Variants in CD44 observed in about 807,000 individuals in gnomAD.
CD44 encodes the protein CD44 antigen.
Under a neutral mutation model 88.8 loss-of-function variants are expected in CD44, and 49 were observed. That is an observed-to-expected ratio of 0.55 (90% CI 0.44 to 0.70). CD44 has a LOEUF of 0.70. Ranked by LOEUF, CD44 falls within the 30% of genes least tolerant of loss-of-function variation. The probability of loss-of-function intolerance (pLI) is 0.00; values close to 1 mark genes in which losing one functional copy is unlikely to be tolerated. For missense variants in CD44, 883 were observed against 913.8 expected (o/e 0.97, Z 0.43); for synonymous variants, 325 against 312.3 (o/e 1.04, Z -0.43).
intron 17 of CD44, among the ~76,000 whole-genome samples, chr11:35,225,126 A>AATCACTTGAACTATGGCTAGTTC (rs368894432): frequency 6.6e-6 from 1 of 150,828 alleles, no homozygotes; most frequent in Non-Finnish European, 1.5e-5. Context: ...TGGCTAGTTC[A>AATCACTTGAACTATGGCTAGTTC]ACTGAGGAAG....
intron 4 of CD44, 40 bp from the exon 5 acceptor site, chr11:35,189,795 T>C (rs770679783): frequency 1.4e-5 from 19 of 1,333,950 alleles, no homozygotes; most frequent in Non-Finnish European, 1.9e-5. Flanking sequence ...ACTCAAAATA[T>C]GAGCTGTGAA....
At chr11:35,185,958 A>G (rs570594396) in intron 3 of CD44, among the ~76,000 whole-genome samples, 42 of 152,310 alleles carry the variant, frequency 2.8e-4, no homozygotes, top group African/African-American at 9.9e-4. Context: ...GGCTACCAGT[A>G]ACATCTGTGG....
At position 35,159,720 on chromosome 11, in the gene CD44, T is replaced by G. The variant is rs539091936; in HGVS notation, c.68-16855T>G. 6.4e-4 allele frequency among the ~76,000 whole-genome samples: 97 copies of G among 152,328 alleles called. 1 individual carries two copies. Among genetic ancestry groups the G allele is most frequent in the Middle Eastern group, 3.4e-3 (1 of 294 alleles). ...ATGGCTGAATTTCATCAGAGCCAGT[T>G]TACAGGCAGAGAAACTGAGGCTCAT... On this transcript the variant is annotated intron_variant, in intron 1 of 17. Coordinates refer to ENST00000428726, the MANE Select transcript of CD44 (RefSeq NM_000610.4).
chr11:35,219,360 G>C lies in CD44; in HGVS notation c.1918G>C (p.Gly640Arg), dbSNP rs1949104361. ...AGAAGGTGGAGCAAACACAACCTCT[G>C]GTCCTATAAGGACACCCCAAATTCC... ...SQEGGANTTS[G>R]PIRTPQIPEW... is the part of the protein sequence containing the mutation. The change falls in exon 16 of 18, where the codon GGT becomes CGT. Residue 640 changes from glycine to arginine, a missense_variant. Around this residue, in one of 2 missense-constraint regions of CD44, gnomAD observed 631 missense variants for 590.9 expected, o/e 1.07. Transcript: ENST00000428726. 1 of 1,613,696 alleles carries C rather than the reference G, an allele frequency of 6.2e-7. No homozygotes were observed. Among genetic ancestry groups the C allele is most frequent in the South Asian group, 1.1e-5 (1 of 91,078 alleles).
At chr11:35,162,240 G>A (rs1271711517) in intron 1 of CD44, among the ~76,000 whole-genome samples, 1 of 152,108 alleles carries the variant, frequency 6.6e-6, no homozygotes, top group Non-Finnish European at 1.5e-5. Context: ...CATAGAAAGA[G>A]ACCCAGTTGT....
At chr11:35,201,029 C>T (rs1947265377) in intron 7 of CD44, 53 bp from the exon 8 acceptor site, 5 of 1,295,628 alleles carry the variant, frequency 3.9e-6, no homozygotes, top group East Asian at 2.3e-5. Flanking sequence ...GGACAAGTGG[C>T]GAAGGCTCAA....
intron 7 of CD44, 22 bp from the exon 8 acceptor site, chr11:35,201,060 G>C: frequency 1.3e-6 from 2 of 1,532,722 alleles, no homozygotes; most frequent in Non-Finnish European, 9.0e-7. Flanking sequence ...TTTTCTAATT[G>C]CTTCAATCAT....
At position 35,219,344 on chromosome 11, in the gene CD44, A is replaced by T. The variant is rs747384040; in HGVS notation, c.1902A>T (p.Gly634=). The T allele has an allele frequency of 1.2e-5, 20 of 1,613,784 alleles. No homozygotes were observed. The East Asian group carries it at 2.5e-4, about 20-fold the overall frequency. ...ACTCACATGGGAGTCAAGAAGGTGG[A>T]GCAAACACAACCTCTGGTCCTATAA... ...DGHSHGSQEG[G]ANTTSGPIRT... Residue 634 remains glycine (G), a synonymous_variant, in exon 16 of 18, where the codon GGA becomes GGT. Coordinates refer to ENST00000428726, the MANE Select transcript of CD44 (RefSeq NM_000610.4).
intron 1 of CD44, among the ~76,000 whole-genome samples, chr11:35,144,022 G>C (rs892959195): frequency 1.3e-5 from 2 of 152,232 alleles, no homozygotes; most frequent in Admixed American, 6.5e-5. Flanking sequence ...TAGGTTGTGC[G>C]ACCCTGGGTA....
Position 35,139,357 on chromosome 11 carries a change from C to T in CD44, c.54C>T (p.Ser18=). The T allele has an allele frequency of 3.8e-6, 6 of 1,560,232 alleles. No individual in the cohort carries two copies. Among genetic ancestry groups the T allele is most frequent in the Non-Finnish European group, 4.3e-6 (5 of 1,151,652 alleles). The part of the protein sequence containing the change: ...AAWGLCLVPL[S]LAQIDLNITC... Reference sequence around the variant, plus strand: ...GGGGACTCTGCCTCGTGCCGCTGAGCCTGGCGCAGATCGGTGAGTGCCCGC... The same window carrying T: ...GGGGACTCTGCCTCGTGCCGCTGAGTCTGGCGCAGATCGGTGAGTGCCCGC... The change falls in exon 1 of 18, where the codon AGC becomes AGT. Residue 18 remains serine, a synonymous_variant. Coordinates refer to ENST00000428726, the MANE Select transcript of CD44 (RefSeq NM_000610.4).
chr11:35,229,573 C>T lies in CD44; in HGVS notation c.*240C>T. The T allele has an allele frequency of 2.0e-6, 1 of 502,066 alleles. No individual in the cohort carries two copies. Among genetic ancestry groups the T allele is most frequent in the Non-Finnish European group, 3.6e-6 (1 of 280,292 alleles). The allele number at this position is 502,066 out of a possible 1,614,324, so 31.1% of individuals were successfully genotyped here. A position where few individuals can be genotyped will look rare whatever the true frequency, so the allele number is the denominator to read the frequency against. ...AATAATCAGCAAGAATTTGATCGTT[C>T]CAGTTCCCACTTGGAGGCCTTTCAT... On this transcript the variant is annotated 3_prime_UTR_variant, in exon 18 of 18. Coordinates refer to ENST00000428726, the MANE Select transcript of CD44 (RefSeq NM_000610.4).
At chr11:35,206,666 T>TGGGG (rs144689531) in intron 11 of CD44, among the ~76,000 whole-genome samples, 4 of 115,906 alleles carry the variant, frequency 3.5e-5, no homozygotes, top group African/African-American at 4.5e-5. Flanking sequence ...TGGTGGGGGT[T>TGGGG]GGTGGGGGGG....
chr11:35,150,919 A>G (rs1860197546), intron 1 of CD44, among the ~76,000 whole-genome samples: 1 of 152,264 alleles, frequency 6.6e-6, no homozygotes, highest in African/African-American at 2.4e-5. Context: ...CACTGTGGAC[A>G]GAAATGAGGA....
In CD44 at chr11:35,214,920, T is replaced by C; in HGVS notation, c.1873+6T>C. 6.5e-7 allele frequency: 1 copy of C among 1,529,602 alleles called. No individual in the cohort carries two copies. The highest frequency in any genetic ancestry group is 8.8e-7 in the Non-Finnish European group (1 of 1,136,378). The allele number at this position is 1,529,602 out of a possible 1,614,324, so 94.8% of individuals were successfully genotyped here. A position where few individuals can be genotyped will look rare whatever the true frequency, so the allele number is the denominator to read the frequency against. ...TCATGGATCTGAATCAGATGGTGAG[T>C]TCAAAACTGCTTTAGTCATTTACTG... On this transcript the variant is annotated splice_donor_region_variant and intron_variant, in intron 15 of 17. Transcript: ENST00000428726.
intron 1 of CD44, among the ~76,000 whole-genome samples, chr11:35,169,439 C>T (rs1473544986): frequency 2.0e-5 from 3 of 150,354 alleles, no homozygotes; most frequent in Non-Finnish European, 4.5e-5. Context: ...CACACACACA[C>T]ACATCCATAC....
chr11:35,155,549 T>C lies in CD44; in HGVS notation c.67+16179T>C, dbSNP rs76121941. Among the ~76,000 whole-genome samples the C allele has an allele frequency of 3.0e-3, 460 of 152,334 alleles. 3 individuals carry two copies. The highest frequency in any genetic ancestry group is 0.01 in the African/African-American group (436 of 41,564). On this transcript the variant is annotated intron_variant, in intron 1 of 17. Coordinates refer to ENST00000428726, the MANE Select transcript of CD44 (RefSeq NM_000610.4). ...GTCTGTGGCTTATACTCAATGATAA[T>C]ACCTAAAACTTTATCCTTTCCTGTC...
At chr11:35,221,522 A>C (rs1591337591) in intron 16 of CD44, 132 bp from the exon 17 acceptor site, 3 of 741,818 alleles carry the variant, frequency 4.0e-6, no homozygotes, top group Middle Eastern at 2.3e-4. Flanking sequence ...TATTGGCTGG[A>C]CCTATTGGCC....
intron 1 of CD44, among the ~76,000 whole-genome samples, chr11:35,150,626 C>T (rs192733978): frequency 5.8e-4 from 89 of 152,338 alleles, no homozygotes; most frequent in Middle Eastern, 3.4e-3. Context: ...ATCTGGAATC[C>T]ACTGACCATT....
intron 1 of CD44, among the ~76,000 whole-genome samples, chr11:35,140,207 A>G (rs1486665608): frequency 6.6e-6 from 1 of 152,212 alleles, no homozygotes; most frequent in Non-Finnish European, 1.5e-5. Flanking sequence ...TAGGGCTCCA[A>G]TATCTCATCC....
Sources: allele counts gnomAD v4.1 joint callset (sites outside exome capture counted in the v4.1 genomes callset), GRCh38; gene constraint gnomAD v4.1.1; regional missense constraint gnomAD v4.1.1; transcripts MANE v1.5; gene names NCBI Gene and HGNC (gene_info 2026-07-23, HGNC 2026-07-21).